Variants in CTDP1 observed in about 807,000 individuals in gnomAD.
The protein encoded by CTDP1 is RNA polymerase II subunit A C-terminal domain phosphatase.
In CTDP1, 47 loss-of-function variants were observed where a neutral mutation model predicts 91.8. The observed-to-expected ratio is 0.51, with a 90% CI of 0.41 to 0.65. The LOEUF is 0.65. CTDP1 is among the 30% of genes least tolerant of loss of function. CTDP1 has a pLI of 0.00. For missense variants in CTDP1, 1,272 were observed against 1,373.7 expected (o/e 0.93, Z 1.17); for synonymous variants, 656 against 598.5 (o/e 1.10, Z -1.40).
In CTDP1 at chr18:79,714,992, C is replaced by T. The variant is rs553366579; in HGVS notation, c.1532C>T (p.Pro511Leu). Residue 511 changes from proline (P) to leucine (L), a missense_variant, in exon 8 of 13, where the codon CCG becomes CTG. Coordinates refer to ENST00000613122, the MANE Select transcript of CTDP1 (RefSeq NM_004715.5). ...CTGGAGCCGGGGCGGCCTGCAGCACCGAGTCTCCCCGGAGAGGCCGAGCCT... is the reference window on the plus strand; with the variant it reads ...CTGGAGCCGGGGCGGCCTGCAGCACTGAGTCTCCCCGGAGAGGCCGAGCCT... ...SSLEPGRPAA[P>L]SLPGEAEPGA... The T allele has an allele frequency of 4.0e-5, 63 of 1,580,024 alleles. No homozygotes were observed. Among genetic ancestry groups the T allele is most frequent in the Non-Finnish European group, 4.8e-5 (56 of 1,164,218 alleles).
chr18:79,753,842 G>T lies in CTDP1; in HGVS notation c.*52G>T. The stretch of plus-strand genomic sequence containing the variant: ...CCTGACCGACCTCCAGCAGCACTCG[G>T]ACGTCCCCGGACCAGCCCTCAGTCT... On this transcript the variant is annotated 3_prime_UTR_variant, in exon 13 of 13. Transcript: ENST00000613122. 6.3e-7 allele frequency: 1 copy of T among 1,588,220 alleles called. No individual in the cohort carries two copies.
chr18:79,718,004 C>T lies in CTDP1; in HGVS notation c.2405C>T (p.Pro802Leu). 6.2e-7 allele frequency: 1 copy of T among 1,613,266 alleles called. No individual in the cohort carries two copies. Among genetic ancestry groups the T allele is most frequent in the Non-Finnish European group, 8.5e-7 (1 of 1,179,890 alleles). Residue 802 changes from proline to leucine, a missense_variant, in exon 10 of 13, where the codon CCC becomes CTC. Physicochemically the swap from Pro to Leu is moderately conservative, Grantham distance 98 (BLOSUM62 -3). This residue lies in a region of CTDP1 where 881 missense variants were observed against 911.6 expected (regional missense o/e 0.97). Coordinates refer to ENST00000613122, the MANE Select transcript of CTDP1 (RefSeq NM_004715.5). Reference protein sequence around the residue: ...PSSSLPIRQEPSSFRAVPPPQ... With the variant: ...PSSSLPIRQELSSFRAVPPPQ... ...AGCTCCCTACCCATCCGCCAGGAGC[C>T]CTCTTCCTTCAGGTACGTGGCGGCC...
chr18:79,732,750 C>T (rs62097750), intron 11 of CTDP1, among the ~76,000 whole-genome samples: 39,912 of 151,230 alleles, frequency 0.26, 6,441 homozygotes, highest in South Asian at 0.35. Context: ...TAAGAACTCA[C>T]TGTCACCAGG....
Position 79,697,505 on chromosome 18 carries a change from C to T in CTDP1, c.493-355C>T, listed in dbSNP as rs140069612. Among the ~76,000 whole-genome samples the T allele has an allele frequency of 8.5e-3, 1,298 of 152,352 alleles. 67 individuals are homozygous for T. The highest frequency in any genetic ancestry group is 0.074 in the Admixed American group (1,127 of 15,304). On this transcript the variant is annotated intron_variant, in intron 3 of 12. Coordinates refer to ENST00000613122, the MANE Select transcript of CTDP1 (RefSeq NM_004715.5). Reference sequence around the variant, plus strand: ...CCAGTCTCTGCTGCCCAGCTTGGGCCACCCAGCGTCTCCCAGCCGGCCGAC... The same window carrying T: ...CCAGTCTCTGCTGCCCAGCTTGGGCTACCCAGCGTCTCCCAGCCGGCCGAC...
chr18:79,697,828 CTT>C (rs771867788), intron 3 of CTDP1, 30 bp from the exon 4 acceptor site: 2 of 1,614,026 alleles, frequency 1.2e-6, no homozygotes, highest in Non-Finnish European at 1.7e-6. Context: ...AACATACTGA[CTT>C]TGTCATTTCT....
chr18:79,754,655 A>G (rs1342491907), downstream of CTDP1: 6 of 152,250 alleles, frequency 3.9e-5, no homozygotes, highest in African/African-American at 1.4e-4. Flanking sequence ...TGCGAGCGTG[A>G]TGATCTCAGG....
intron 1 of CTDP1, chr18:79,683,021 G>C (rs1455958798): frequency 6.6e-6 from 1 of 152,114 alleles, no homozygotes; most frequent in African/African-American, 2.4e-5. Context: ...CTGATTGCTG[G>C]TGTGGTCATT....
intron 5 of CTDP1, among the ~76,000 whole-genome samples, chr18:79,708,896 T>C (rs1463441621): frequency 6.6e-6 from 1 of 152,276 alleles, no homozygotes; most frequent in Non-Finnish European, 1.5e-5. Context: ...CCGCACCTTA[T>C]ATTCCTAGCA....
intron 5 of CTDP1, among the ~76,000 whole-genome samples, chr18:79,707,912 A>T (rs978495587): frequency 1.3e-5 from 2 of 152,186 alleles, no homozygotes; most frequent in African/African-American, 4.8e-5. Flanking sequence ...TAGGACAGAG[A>T]TGTTAAGAGT....
At position 79,680,117 on chromosome 18, in the gene CTDP1, C is replaced by G. The variant is rs1337494266; in HGVS notation, c.170C>G (p.Ser57Cys). 7.0e-6 allele frequency: 10 copies of G among 1,423,334 alleles called. No individual in the cohort carries two copies. The highest frequency in any genetic ancestry group is 1.5e-5 in the African/African-American group (1 of 66,980). 88.2% of individuals were successfully genotyped at this position (1,423,334 alleles called of 1,614,324 possible). The change falls in exon 1 of 13, where the codon TCC becomes TGC. Residue 57 changes from serine (S) to cysteine (C), a missense_variant. Physicochemically the swap from Ser to Cys is moderately radical, Grantham distance 112. Around this residue, in one of 3 missense-constraint regions of CTDP1, gnomAD observed 214 missense variants for 179.1 expected, o/e 1.19. Coordinates refer to ENST00000613122, the MANE Select transcript of CTDP1 (RefSeq NM_004715.5). ...CTGGCCGTGTTCGAGGCCGCCGCCT[C>G]CGCGCAGTCCTCCGGGGCCTCTCAG... ...SVLAVFEAAASAQSSGASQSR... is the reference protein window; with the variant it reads ...SVLAVFEAAACAQSSGASQSR...
At position 79,728,910 on chromosome 18, in the gene CTDP1, G is replaced by A. The variant is rs372171375; in HGVS notation, c.2421G>A (p.Ala807=). 493 of 1,613,878 alleles carry A rather than the reference G, an allele frequency of 3.1e-4. No homozygotes were observed. The highest frequency in any genetic ancestry group is 3.7e-4 in the Non-Finnish European group (437 of 1,180,050). Residue 807 remains alanine, a synonymous_variant, in exon 11 of 13, where the codon GCG becomes GCA. Coordinates refer to ENST00000613122, the MANE Select transcript of CTDP1 (RefSeq NM_004715.5). ...PIRQEPSSFR[A]VPPPQPQMFG... ...GGACCTATGAAATTCCTTTCAGAGC[G>A]GTTCCGCCACCCCAGCCGCAGATGT...
intron 11 of CTDP1, among the ~76,000 whole-genome samples, chr18:79,731,771 C>T (rs930120423): frequency 3.9e-5 from 6 of 152,308 alleles, no homozygotes; most frequent in East Asian, 3.9e-4. Context: ...ATTTAATATA[C>T]GTGGAAGCCA....
At chr18:79,731,365 T>C (rs527602077) in intron 11 of CTDP1, among the ~76,000 whole-genome samples, 2 of 152,344 alleles carry the variant, frequency 1.3e-5, no homozygotes, top group Non-Finnish European at 2.9e-5. Flanking sequence ...GCAAAGTTGC[T>C]GACCCAAGAG....
intron 6 of CTDP1, among the ~76,000 whole-genome samples, chr18:79,711,798 G>A (rs191328023): frequency 3.9e-5 from 6 of 152,078 alleles, no homozygotes; most frequent in Admixed American, 1.3e-4. Context: ...GCCGCTCCCC[G>A]CCCCTCCGCA....
At chr18:79,685,203 G>C (rs998956463) in intron 1 of CTDP1, 1 of 152,266 alleles carries the variant, frequency 6.6e-6, no homozygotes, top group Non-Finnish European at 1.5e-5. Flanking sequence ...TGTGGGGGGA[G>C]TAGCTAGAAC....
chr18:79,725,907 A>G (rs980197594), intron 10 of CTDP1, among the ~76,000 whole-genome samples: 1 of 152,120 alleles, frequency 6.6e-6, no homozygotes, highest in Non-Finnish European at 1.5e-5. Context: ...TTTTTCCTGT[A>G]GGTAAGCTGT....
intron 1 of CTDP1, among the ~76,000 whole-genome samples, chr18:79,689,456 C>T (rs1041944387): frequency 6.6e-6 from 1 of 152,122 alleles, no homozygotes; most frequent in Admixed American, 6.6e-5. Flanking sequence ...TCAATTCCAG[C>T]ATTTCTTCTC....
chr18:79,704,952 CA>C lies in CTDP1; in HGVS notation c.772+36del, dbSNP rs557457380. 6.2e-6 allele frequency: 10 copies of C among 1,611,102 alleles called. No homozygotes were observed. In the African/African-American group the frequency reaches 1.3e-4, roughly 21 times the overall value. On this transcript the variant is annotated intron_variant, in intron 5 of 12. Coordinates refer to ENST00000613122, the MANE Select transcript of CTDP1 (RefSeq NM_004715.5). ...GCCGCAGCCGAAGAGGCCGTGTGAA[CA>C]GTGGGTTTCTTTCCTGTTTTCGGTG...
At chr18:79,688,188 G>C (rs1832081293) in intron 1 of CTDP1, among the ~76,000 whole-genome samples, 1 of 152,274 alleles carries the variant, frequency 6.6e-6, no homozygotes, top group African/African-American at 2.4e-5. Flanking sequence ...CGACTGCACT[G>C]CACTGGACTC....
Sources: allele counts gnomAD v4.1 joint callset (sites outside exome capture counted in the v4.1 genomes callset), GRCh38; gene constraint gnomAD v4.1.1; regional missense constraint gnomAD v4.1.1; transcripts MANE v1.5; gene names NCBI Gene and HGNC (gene_info 2026-07-23, HGNC 2026-07-21).